N4BP2: variants seen among roughly 807,000 people sequenced by gnomAD.
N4BP2 encodes NEDD4-binding protein 2.
A neutral mutation model predicts 152.8 loss-of-function variants in N4BP2; 91 were observed. That is an observed-to-expected ratio of 0.60 (90% CI 0.50 to 0.71). The LOEUF is 0.71. Ranked by LOEUF, N4BP2 falls within the 30% of genes least tolerant of loss-of-function variation. N4BP2 has a pLI of 0.00. For synonymous variants in N4BP2, 646 were observed against 705.3 expected, an observed-to-expected ratio of 0.92 and a Z score of 1.33; for missense variants, 1,923 against 2,059.1, an observed-to-expected ratio of 0.93 and a Z score of 1.28.
At chr4:40,160,884 A>G (rs895214230), downstream of N4BP2, among the ~76,000 whole-genome samples, 7 of 152,172 alleles carry the variant, frequency 4.6e-5, no homozygotes, top group African/African-American at 1.7e-4. Flanking sequence ...GGAGGGACAG[A>G]TGACAAAGGA....
rs776801788 is a variant in N4BP2 at position 40,102,835 on chromosome 4, A to G, written c.990A>G (p.Lys330=). The G allele has an allele frequency of 1.2e-6, 2 of 1,613,982 alleles. No individual in the cohort carries two copies. Among genetic ancestry groups the G allele is most frequent in the Non-Finnish European group, 1.7e-6 (2 of 1,180,024 alleles). ...AAGGGTTCAACTTCAAGCCACACAAACATCCTGAACTGCCAACTAAGGGGA... is the reference window on the plus strand; with the variant it reads ...AAGGGTTCAACTTCAAGCCACACAAGCATCCTGAACTGCCAACTAAGGGGA... The part of the protein sequence containing the change: ...PSEGFNFKPH[K]HPELPTKGKD... Residue 330 remains lysine (K), a synonymous_variant, in exon 4 of 18, where the codon AAA becomes AAG. Coordinates refer to ENST00000261435, the MANE Select transcript of N4BP2 (RefSeq NM_018177.6).
At chr4:40,063,033 C>G (rs1320508754) in intron 1 of N4BP2, among the ~76,000 whole-genome samples, 1 of 152,110 alleles carries the variant, frequency 6.6e-6, no homozygotes, top group Non-Finnish European at 1.5e-5. Context: ...TGGGGTTTAT[C>G]TAATACAGAG....
intron 12 of N4BP2, among the ~76,000 whole-genome samples, 194 bp downstream of exon 12, chr4:40,126,524 C>T (rs1010142766): frequency 4.6e-4 from 70 of 152,128 alleles, no homozygotes; most frequent in Non-Finnish European, 9.7e-4. Context: ...TTAGTTAATA[C>T]TCAACTATAA....
At chr4:40,065,121 G>C (rs535604295) in intron 1 of N4BP2, among the ~76,000 whole-genome samples, 3 of 152,244 alleles carry the variant, frequency 2.0e-5, no homozygotes. Context: ...GCTGTGAAAT[G>C]GGCTACCTTG....
intron 2 of N4BP2, among the ~76,000 whole-genome samples, chr4:40,095,901 A>G (rs1275336237): frequency 2.6e-5 from 4 of 152,188 alleles, no homozygotes; most frequent in Non-Finnish European, 5.9e-5. Flanking sequence ...CCCTTTTTAC[A>G]TCGTATAAAG....
chr4:40,081,072 A>G (rs1262905647), intron 2 of N4BP2, among the ~76,000 whole-genome samples: 1 of 151,700 alleles, frequency 6.6e-6, no homozygotes, highest in Admixed American at 6.6e-5. Context: ...AATGGAAGGG[A>G]TATATAGCTT....
chr4:40,165,202 T>C, the N4BP2 span, among the ~76,000 whole-genome samples: 1 of 152,194 alleles, frequency 6.6e-6, no homozygotes, highest in Non-Finnish European at 1.5e-5. Context: ...GTCATATTCC[T>C]GTGATTTTAT....
chr4:40,118,079 G>T (rs904441207), intron 8 of N4BP2, 55 bp downstream of exon 8: 4 of 1,383,918 alleles, frequency 2.9e-6, no homozygotes, highest in Admixed American at 5.0e-5. Context: ...TTTTTAAAAG[G>T]TATAATTTTG....
chr4:40,122,057 A>G lies in N4BP2; in HGVS notation c.3946A>G (p.Asn1316Asp). Residue 1316 changes from asparagine to aspartate, a missense_variant, in exon 9 of 18, where the codon AAT (asparagine) becomes GAT (aspartate). Physicochemically the swap from Asn to Asp is conservative, Grantham distance 23 (BLOSUM62 1). Coordinates refer to ENST00000261435, the MANE Select transcript of N4BP2 (RefSeq NM_018177.6). Reference protein sequence around the residue: ...TDSLEIKRNENFPKDYVKFSD... With the variant: ...TDSLEIKRNEDFPKDYVKFSD... ...TTCTCTTGAAATAAAGAGAAATGAA[A>G]ATTTTCCAAAGGATTATGTGAAATT... 1 of 1,549,490 alleles carries G rather than the reference A, an allele frequency of 6.5e-7. No individual in the cohort carries two copies. Among genetic ancestry groups the G allele is most frequent in the South Asian group, 1.2e-5 (1 of 82,320 alleles).
chr4:40,147,927 G>C (rs1049250058), intron 16 of N4BP2, among the ~76,000 whole-genome samples: 1 of 151,278 alleles, frequency 6.6e-6, no homozygotes, highest in Non-Finnish European at 1.5e-5. Context: ...CATTTCAGAC[G>C]ATGGGCGGCC....
At position 40,097,321 on chromosome 4, in the gene N4BP2, T is replaced by C; in HGVS notation, c.-20T>C. ...CATCTTAACTAAGAAAAGGGAAACA[T>C]TTTAGTTTTGGAAGTCAGAATGCCA... On this transcript the variant is annotated 5_prime_UTR_variant, in exon 3 of 18. Transcript: ENST00000261435. 6.3e-7 allele frequency: 1 copy of C among 1,596,428 alleles called. No homozygotes were observed. Among genetic ancestry groups the C allele is most frequent in the Non-Finnish European group, 8.6e-7 (1 of 1,164,818 alleles).
intron 13 of N4BP2, among the ~76,000 whole-genome samples, chr4:40,135,687 C>G (rs1050693727): frequency 6.6e-6 from 1 of 152,310 alleles, no homozygotes; most frequent in South Asian, 2.1e-4. Flanking sequence ...CTCAGCCTCC[C>G]AAGTAGTTGG....
In N4BP2 at chr4:40,103,049, A is replaced by G; in HGVS notation, c.1204A>G (p.Ile402Val). The change falls in exon 4 of 18, where the codon ATT becomes GTT. Residue 402 changes from isoleucine (I) to valine (V), a missense_variant. Ile to Val is a conservative substitution (Grantham distance 29). Transcript: ENST00000261435. The part of the protein sequence containing the change: ...SVNYTFPPSV[I>V]SHTSPTKVWR... Reference sequence around the variant, plus strand: ...CAACTACACATTTCCACCCTCAGTTATTTCTCACACTTCCCCAACAAAAGT... The same window carrying G: ...CAACTACACATTTCCACCCTCAGTTGTTTCTCACACTTCCCCAACAAAAGT... 1.2e-6 allele frequency: 2 copies of G among 1,614,164 alleles called. No individual in the cohort carries two copies. Among genetic ancestry groups the G allele is most frequent in the Non-Finnish European group, 1.7e-6 (2 of 1,180,036 alleles).
At chr4:40,091,557 C>T (rs956412473) in intron 2 of N4BP2, among the ~76,000 whole-genome samples, 1 of 149,576 alleles carries the variant, frequency 6.7e-6, no homozygotes, top group African/African-American at 2.5e-5. Flanking sequence ...ATGGAACTAG[C>T]CTTGCCTTCC....
In N4BP2 at chr4:40,102,674, G is replaced by C. The variant is rs76438214; in HGVS notation, c.829G>C (p.Ala277Pro). The C allele has an allele frequency of 7.7e-4, 1,246 of 1,614,166 alleles. 12 individuals carry two copies. The African/African-American group carries it at 0.014, about 19-fold the overall frequency. ...ACTTTTAGAATCTGAGTGCGTTGAG[G>C]CTCAATTCTCTGAAGCTCCTGTAGA... ...KELLESECVEAQFSEAPVDLD... is the reference protein window; with the variant it reads ...KELLESECVEPQFSEAPVDLD... The change falls in exon 4 of 18, where the codon GCT becomes CCT. Residue 277 changes from alanine (A) to proline (P), a missense_variant. Physicochemically the swap from Ala to Pro is conservative, Grantham distance 27. Coordinates refer to ENST00000261435, the MANE Select transcript of N4BP2 (RefSeq NM_018177.6).
At chr4:40,068,820 C>G (rs571999513) in intron 1 of N4BP2, among the ~76,000 whole-genome samples, 2 of 152,162 alleles carry the variant, frequency 1.3e-5, no homozygotes, top group East Asian at 3.9e-4. Context: ...TAATTTTTAT[C>G]CTTTAAAAAA....
intron 1 of N4BP2, among the ~76,000 whole-genome samples, chr4:40,058,685 T>C (rs1375804359): frequency 6.6e-6 from 1 of 152,164 alleles, no homozygotes; most frequent in Non-Finnish European, 1.5e-5. Flanking sequence ...TAGAGGCATG[T>C]TTTTTCCTTC....
intron 16 of N4BP2, among the ~76,000 whole-genome samples, chr4:40,149,149 C>T (rs895291971): frequency 2.0e-5 from 3 of 152,160 alleles, no homozygotes; most frequent in South Asian, 2.1e-4. Context: ...TATGTCTTTA[C>T]GGAAACTTGC....
chr4:40,138,431 A>G (rs1719601950), intron 14 of N4BP2, among the ~76,000 whole-genome samples: 2 of 152,146 alleles, frequency 1.3e-5, no homozygotes, highest in South Asian at 2.1e-4. Context: ...TTTAAATTTG[A>G]TGTAGTCTAG....
Sources: gnomAD v4.1 joint callset for allele counts (sites outside exome capture counted in the v4.1 genomes callset) on GRCh38, gnomAD v4.1.1 for gene constraint, MANE v1.5 for transcripts, NCBI Gene and HGNC (gene_info 2026-07-23, HGNC 2026-07-21) for gene names.